NETO1: variants seen among roughly 807,000 people sequenced by gnomAD.
NETO1 encodes the protein neuropilin and tolloid-like protein 1.
NETO1 carries 26 observed loss-of-function variants against 61.3 expected under a neutral mutation model. The observed-to-expected ratio is 0.42, with a 90% confidence interval of 0.31 to 0.59. The LOEUF is 0.59. Ranked by LOEUF, NETO1 falls within the 20% of genes least tolerant of loss-of-function variation. The pLI is 0.12. For synonymous variants in NETO1, 225 were observed against 225.8 expected, an observed-to-expected ratio of 1.00 and a Z score of 0.03; for missense variants, 531 against 662.8, an observed-to-expected ratio of 0.80 and a Z score of 2.18.
chr18:72,770,883 CTT>C (rs993669997), intron 7 of NETO1, among the ~76,000 whole-genome samples: 16 of 152,062 alleles, frequency 1.1e-4, no homozygotes, highest in Non-Finnish European at 2.4e-4. Context: ...TCCCTCTTCT[CTT>C]TGATTCTTTA....
chr18:72,793,543 T>C (rs1226524018), intron 6 of NETO1, among the ~76,000 whole-genome samples: 1 of 152,112 alleles, frequency 6.6e-6, no homozygotes, highest in Non-Finnish European at 1.5e-5. Flanking sequence ...TTATGAGAAA[T>C]AATGGAGGGT....
At chr18:72,811,205 C>G (rs1314176478) in intron 4 of NETO1, among the ~76,000 whole-genome samples, 2 of 152,164 alleles carry the variant, frequency 1.3e-5, no homozygotes, top group Admixed American at 6.5e-5. Context: ...ACGTCCAGAT[C>G]TGAGTATCTC....
intron 7 of NETO1, among the ~76,000 whole-genome samples, chr18:72,756,379 A>G (rs2070784344): frequency 6.6e-6 from 1 of 152,118 alleles, no homozygotes; most frequent in South Asian, 2.1e-4. Context: ...GCCATAGGGT[A>G]TTTTCCATCA....
At chr18:72,865,471 T>C (rs2074706910) in intron 1 of NETO1, 1 of 1,385,996 alleles carries the variant, frequency 7.2e-7, no homozygotes, top group South Asian at 1.3e-5. Flanking sequence ...AGACCCAAAC[T>C]CCTAAGGCAA....
chr18:72,828,675 C>A (rs997278243), intron 4 of NETO1, among the ~76,000 whole-genome samples: 2 of 152,064 alleles, frequency 1.3e-5, no homozygotes, highest in East Asian at 1.9e-4. Flanking sequence ...GAAATCCATA[C>A]CTAGACACAT....
chr18:72,743,549 G>A (rs2070373030), downstream of NETO1, among the ~76,000 whole-genome samples: 1 of 152,166 alleles, frequency 6.6e-6, no homozygotes, highest in Non-Finnish European at 1.5e-5. Flanking sequence ...AGCACATAAT[G>A]TTGGGCTTAA....
intron 4 of NETO1, among the ~76,000 whole-genome samples, chr18:72,849,831 A>G (rs12959992): frequency 0.31 from 46,524 of 152,016 alleles, 7,257 homozygotes; most frequent in East Asian, 0.45. Flanking sequence ...GACAAGTCAT[A>G]CCTGGTCTTT....
intron 4 of NETO1, among the ~76,000 whole-genome samples, chr18:72,846,103 CA>C (rs2074072614): frequency 6.6e-6 from 1 of 150,898 alleles, no homozygotes; most frequent in Admixed American, 6.6e-5. Flanking sequence ...GAGAGCAAAC[CA>C]AAAAAATAAA....
At chr18:72,749,731 G>A (rs1342871292) in intron 9 of NETO1, among the ~76,000 whole-genome samples, 1 of 152,018 alleles carries the variant, frequency 6.6e-6, no homozygotes, top group Non-Finnish European at 1.5e-5. Context: ...ATGGTCACAT[G>A]GAAGTAAGTT....
At chr18:72,826,946 C>T (rs1268435970) in intron 4 of NETO1, among the ~76,000 whole-genome samples, 1 of 152,132 alleles carries the variant, frequency 6.6e-6, no homozygotes, top group Non-Finnish European at 1.5e-5. Flanking sequence ...AGTGCCCGCG[C>T]TGTTCTGGCT....
chr18:72,767,542 T>C (rs1424242648), intron 7 of NETO1, among the ~76,000 whole-genome samples: 12 of 152,198 alleles, frequency 7.9e-5, no homozygotes, highest in African/African-American at 2.9e-4. Flanking sequence ...CTTAAGAAAA[T>C]TAACTTTAAA....
chr18:72,852,110 G>A (rs1356129350), intron 4 of NETO1, among the ~76,000 whole-genome samples: 1 of 152,182 alleles, frequency 6.6e-6, no homozygotes, highest in Non-Finnish European at 1.5e-5. Flanking sequence ...ATAGTCCGGC[G>A]ATTAGCCGAT....
chr18:72,818,265 A>G (rs2073087472), intron 4 of NETO1, among the ~76,000 whole-genome samples: 4 of 152,244 alleles, frequency 2.6e-5, no homozygotes, highest in Non-Finnish European at 4.4e-5. Flanking sequence ...TCCTAAAGTA[A>G]TAACATTTGC....
intron 7 of NETO1, among the ~76,000 whole-genome samples, chr18:72,759,171 G>A (rs780163157): frequency 6.6e-5 from 10 of 151,946 alleles, no homozygotes; most frequent in South Asian, 4.2e-4. Flanking sequence ...TGACCTATCC[G>A]GCACCGTGTC....
intron 4 of NETO1, among the ~76,000 whole-genome samples, chr18:72,844,311 T>G (rs1310010086): frequency 6.6e-6 from 1 of 152,246 alleles, no homozygotes; most frequent in Non-Finnish European, 1.5e-5. Flanking sequence ...TGCATCATTT[T>G]TAATTGTATT....
In NETO1 at chr18:72,750,162, T is replaced by G. The variant is rs979984968; in HGVS notation, c.1441A>C (p.Ser481Arg). 5.6e-6 allele frequency: 9 copies of G among 1,613,882 alleles called. No individual in the cohort carries two copies. Among genetic ancestry groups the G allele is most frequent in the Non-Finnish European group, 7.6e-6 (9 of 1,179,982 alleles). ...GCATCTGCAGCATCTTGCGAGTAGC[T>G]GTGTTTCATGACAAGGATATTTCTT... ...NRRNILVMKH[S>R]YSQDAADACD... is the part of the protein sequence containing the mutation. Residue 481 changes from serine (S) to arginine (R), a missense_variant, in exon 9 of 11, where the codon AGC (serine) becomes CGC (arginine). By Grantham distance (110) the Ser-to-Arg change is moderately radical. Transcript: ENST00000327305.
At chr18:72,856,046 T>C (rs1015179428) in intron 4 of NETO1, among the ~76,000 whole-genome samples, 1 of 152,230 alleles carries the variant, frequency 6.6e-6, no homozygotes, top group South Asian at 2.1e-4. Context: ...TATACATATG[T>C]ATAAATATTG....
chr18:72,765,528 C>G (rs189239635), intron 7 of NETO1, among the ~76,000 whole-genome samples: 1 of 152,054 alleles, frequency 6.6e-6, no homozygotes, highest in Non-Finnish European at 1.5e-5. Flanking sequence ...AAGCAATTCT[C>G]GTGTCTCAGC....
intron 4 of NETO1, among the ~76,000 whole-genome samples, chr18:72,836,173 T>C (rs2145433351): frequency 6.6e-6 from 1 of 152,286 alleles, no homozygotes; most frequent in Middle Eastern, 3.4e-3. Context: ...CCCTGCTGCT[T>C]CTCACCTCTG....
Sources: allele counts gnomAD v4.1 joint callset (sites outside exome capture counted in the v4.1 genomes callset), GRCh38; gene constraint gnomAD v4.1.1; transcripts MANE v1.5; gene names NCBI Gene and HGNC (gene_info 2026-07-23, HGNC 2026-07-21).